Variants in H2BC12 observed in about 807,000 individuals in gnomAD.
H2BC12 encodes histone H2B type 1-K.
H2BC12 carries 6 observed loss-of-function variants against 6.3 expected under a neutral mutation model. That is an observed-to-expected ratio of 0.95 (90% CI 0.52 to 1.87). The LOEUF is 1.87. H2BC12 is among the 40% of genes most tolerant of loss of function. The probability of loss-of-function intolerance (pLI) is 0.01; values close to 1 mark genes in which losing one functional copy is unlikely to be tolerated. For synonymous variants in H2BC12, 132 were observed against 78.5 expected (o/e 1.68, Z -3.60); for missense variants, 119 against 178.4 (o/e 0.67, Z 1.90).
At chr6:27,142,033 C>G (rs529935130), downstream of H2BC12, among the ~76,000 whole-genome samples, 1 of 152,236 alleles carries the variant, frequency 6.6e-6, no homozygotes, top group South Asian at 2.1e-4. Flanking sequence ...AGATAGCATT[C>G]AAGTATACTT....
chr6:27,145,126 A>C (rs1038714978), downstream of H2BC12, among the ~76,000 whole-genome samples: 1 of 152,190 alleles, frequency 6.6e-6, no homozygotes, highest in Non-Finnish European at 1.5e-5. Context: ...ATTTCTTAGA[A>C]TATTAATGTA....
chr6:27,139,295 C>T, the H2BC12 span: 4 of 1,591,442 alleles, frequency 2.5e-6, no homozygotes, highest in South Asian at 2.3e-5. Context: ...CCTTTGTTCT[C>T]TGACCACTTG....
At chr6:27,142,507 G>A (rs1192720353), downstream of H2BC12, among the ~76,000 whole-genome samples, 8 of 152,014 alleles carry the variant, frequency 5.3e-5, no homozygotes, top group South Asian at 4.2e-4. Flanking sequence ...CAGGTCATCC[G>A]CCTGCCTCGG....
the H2BC12 span, among the ~76,000 whole-genome samples, chr6:27,138,395 G>A: frequency 6.6e-6 from 1 of 152,222 alleles, no homozygotes; most frequent in South Asian, 2.1e-4. Context: ...CTCTTTCTCA[G>A]AGGCAAAAGA....
Position 27,146,445 on chromosome 6 carries a change from G to C in H2BC12, c.354C>G (p.Ala118=). 4 of 1,605,454 alleles carry C rather than the reference G, an allele frequency of 2.5e-6. 1 individual carries two copies. Among genetic ancestry groups the C allele is most frequent in the Admixed American group, 3.4e-5 (2 of 58,230 alleles). Residue 118 remains alanine (A), a synonymous_variant, in exon 1 of 1, where the codon GCC becomes GCG. Transcript: ENST00000356950. ...AKHAVSEGTK[A]VTKYTSAK is the part of the protein sequence containing the mutation. ...ACTTAGCGCTGGTGTACTTGGTGAC[G>C]GCCTTGGTGCCCTCGGACACGGCGT...
At chr6:27,139,761 A>G in the H2BC12 span, 1 of 1,348,590 alleles carries the variant, frequency 7.4e-7, no homozygotes, top group East Asian at 2.6e-5. Flanking sequence ...ATTTTACAAG[A>G]TTAACTCGAC....
Position 27,146,394 on chromosome 6 carries a change from C to G in H2BC12, c.*24G>C. On this transcript the variant is annotated 3_prime_UTR_variant, in exon 1 of 1. Coordinates refer to ENST00000356950, the MANE Select transcript of H2BC12 (RefSeq NM_001312653.2). ...TCTTAAAAGAGCCTTTGGGGTTGGG[C>G]TTTAAGACGCTTACTTGGCAAGTTT... is the stretch of plus-strand genomic sequence containing the variant. The G allele has an allele frequency of 6.2e-7, 1 of 1,614,144 alleles. No homozygotes were observed. The highest frequency in any genetic ancestry group is 1.1e-5 in the South Asian group (1 of 91,080).
chr6:27,144,786 GTATTT>G (rs1190400618), downstream of H2BC12, among the ~76,000 whole-genome samples: 3 of 152,086 alleles, frequency 2.0e-5, no homozygotes, highest in African/African-American at 7.2e-5. Context: ...TTGGCATAGT[GTATTT>G]TAGTTTATTT....
At chr6:27,145,599 G>A (rs757446688), downstream of H2BC12, among the ~76,000 whole-genome samples, 1 of 152,138 alleles carries the variant, frequency 6.6e-6, no homozygotes, top group Non-Finnish European at 1.5e-5. Flanking sequence ...TTGCTTCGGG[G>A]CGGACTGTCT....
At chr6:27,139,024 T>G in the H2BC12 span, 1 of 339,030 alleles carries the variant, frequency 2.9e-6, no homozygotes, top group East Asian at 5.1e-5. Context: ...ATAACATTCT[T>G]TTTGCTTTAT....
At chr6:27,140,087 G>C in the H2BC12 span, among the ~76,000 whole-genome samples, 2 of 152,116 alleles carry the variant, frequency 1.3e-5, no homozygotes, top group African/African-American at 2.4e-5. Context: ...TCTGCATGGG[G>C]GGGAGGGGGA....
downstream of H2BC12, among the ~76,000 whole-genome samples, chr6:27,145,292 A>C (rs906234411): frequency 3.2e-5 from 4 of 124,628 alleles, no homozygotes; most frequent in African/African-American, 1.4e-4. Flanking sequence ...CAAATATGTT[A>C]AATACACACA....
At chr6:27,145,965 A>G (rs1760070974), downstream of H2BC12, among the ~76,000 whole-genome samples, 1 of 152,220 alleles carries the variant, frequency 6.6e-6, no homozygotes, top group Non-Finnish European at 1.5e-5. Context: ...AGCGAAAGCC[A>G]TACGTACTGG....
chr6:27,145,022 C>A (rs1393306576), downstream of H2BC12, among the ~76,000 whole-genome samples: 1 of 152,018 alleles, frequency 6.6e-6, no homozygotes, highest in African/African-American at 2.4e-5. Context: ...GTTTTGAATT[C>A]CTGACTTCAA....
At chr6:27,146,176 T>A (rs960529750), downstream of H2BC12, among the ~76,000 whole-genome samples, 3 of 152,180 alleles carry the variant, frequency 2.0e-5, no homozygotes, top group African/African-American at 7.2e-5. Context: ...CATCCCTAAT[T>A]TTTTAGGCGC....
the H2BC12 span, chr6:27,139,477 G>T: frequency 1.2e-6 from 2 of 1,614,062 alleles, no homozygotes; most frequent in Non-Finnish European, 1.7e-6. Flanking sequence ...GGAGACCCGC[G>T]GAGTGTTGAA....
downstream of H2BC12, among the ~76,000 whole-genome samples, chr6:27,145,093 T>C (rs566088178): frequency 1.1e-3 from 164 of 152,212 alleles, no homozygotes; most frequent in Non-Finnish European, 1.7e-3. Context: ...AGGTAAACAA[T>C]AAATATAATT....
downstream of H2BC12, among the ~76,000 whole-genome samples, chr6:27,145,305 CA>C (rs1274471007): frequency 7.0e-6 from 1 of 142,002 alleles, no homozygotes; most frequent in Admixed American, 6.9e-5. Context: ...TACACACACA[CA>C]CACACACACA....
downstream of H2BC12, chr6:27,146,333 C>T (rs944070468): frequency 5.0e-6 from 8 of 1,588,150 alleles, no homozygotes; most frequent in Non-Finnish European, 6.9e-6. Flanking sequence ...ATTAGGAACA[C>T]GTGTTTACAG....
Sources: gnomAD v4.1 joint callset for allele counts (sites outside exome capture counted in the v4.1 genomes callset) on GRCh38, gnomAD v4.1.1 for gene constraint, MANE v1.5 for transcripts, NCBI Gene and HGNC (gene_info 2026-07-23, HGNC 2026-07-21) for gene names.